The following PNOC variants were observed in gnomAD, a reference collection of about 807,000 sequenced individuals.
The protein encoded by PNOC is nociceptin.
A neutral mutation model predicts 15.6 loss-of-function variants in PNOC; 10 were observed. The observed-to-expected ratio is 0.64, with a 90% CI of 0.40 to 1.09. PNOC has a LOEUF of 1.09. Among genes scored for constraint, PNOC ranks in the 50% least tolerant of loss-of-function variants. The pLI, the probability that PNOC is intolerant of heterozygous loss-of-function variation, is 0.01. For synonymous variants in PNOC, 98 were observed against 88.5 expected (o/e 1.11, Z -0.60); for missense variants, 220 against 223.9 (o/e 0.98, Z 0.11).
Position 28,339,025 on chromosome 8 carries a change from C to T in PNOC, c.127-15C>T. The T allele has an allele frequency of 6.4e-7, 1 of 1,567,272 alleles. No homozygotes were observed. Among genetic ancestry groups the T allele is most frequent in the Non-Finnish European group, 8.7e-7 (1 of 1,148,084 alleles). The stretch of plus-strand genomic sequence containing the variant: ...CCTTGTTCCTTCTCCCCTCCTCTCA[C>T]CCGTATCTTTGCAGGTGTGCATCCT... On this transcript the variant is annotated splice_polypyrimidine_tract_variant and intron_variant, in intron 2 of 3. Coordinates refer to ENST00000301908, the MANE Select transcript of PNOC (RefSeq NM_006228.5).
intron 3 of PNOC, among the ~76,000 whole-genome samples, chr8:28,340,780 G>A (rs927061852): frequency 6.6e-6 from 1 of 152,172 alleles, no homozygotes; most frequent in African/African-American, 2.4e-5. Flanking sequence ...ATGGCAAGAG[G>A]GGGCAAGAGG....
chr8:28,324,907 C>A (rs1004788756), intron 1 of PNOC, among the ~76,000 whole-genome samples: 5 of 152,174 alleles, frequency 3.3e-5, no homozygotes, highest in African/African-American at 1.2e-4. Flanking sequence ...ATGCCAGGTT[C>A]TTTCCTTCTT....
intron 3 of PNOC, chr8:28,340,111 G>A (rs555819590): frequency 6.6e-6 from 1 of 152,340 alleles, no homozygotes; most frequent in South Asian, 2.1e-4. Context: ...TTGCCAGAGA[G>A]GGACTGATTC....
intron 2 of PNOC, among the ~76,000 whole-genome samples, chr8:28,338,277 G>A (rs981809942): frequency 6.6e-6 from 1 of 152,170 alleles, no homozygotes; most frequent in African/African-American, 2.4e-5. Context: ...CCAGCCAAGA[G>A]GGGCTGGAGA....
At chr8:28,323,491 G>T (rs1055303598) in intron 1 of PNOC, among the ~76,000 whole-genome samples, 1 of 152,194 alleles carries the variant, frequency 6.6e-6, no homozygotes, top group Non-Finnish European at 1.5e-5. Flanking sequence ...TCACAGAAGT[G>T]AAATAATTTG....
At chr8:28,329,036 A>T in intron 1 of PNOC, 99 bp from the exon 2 acceptor site, 1 of 1,201,512 alleles carries the variant, frequency 8.3e-7, no homozygotes, top group Non-Finnish European at 1.2e-6. Flanking sequence ...CAGAGACAGC[A>T]GAGAAGTGTC....
chr8:28,342,284 C>T (rs1259655593), intron 3 of PNOC, among the ~76,000 whole-genome samples: 4 of 139,148 alleles, frequency 2.9e-5, no homozygotes, highest in South Asian at 4.6e-4. Flanking sequence ...ACCCAGGAGG[C>T]GGAGGTTGCA....
intron 2 of PNOC, among the ~76,000 whole-genome samples, chr8:28,334,502 T>A (rs193016004): frequency 9.2e-5 from 14 of 151,456 alleles, no homozygotes; most frequent in Non-Finnish European, 4.4e-5. Flanking sequence ...TCCAGTAGCA[T>A]TTTTTTTTCT....
intron 1 of PNOC, among the ~76,000 whole-genome samples, chr8:28,323,848 A>T (rs1324619436): frequency 2.6e-5 from 4 of 152,216 alleles, no homozygotes; most frequent in Non-Finnish European, 5.9e-5. Context: ...CTCTATAACG[A>T]TATTTACATA....
rs934683010 is a variant in PNOC, at chr8:28,338,750, T to C, written c.127-290T>C. On this transcript the variant is annotated intron_variant, in intron 2 of 3. Transcript: ENST00000301908. ...GGTGCGGTGTTGGGCGCATTTATCC[T>C]GTGTTAACTTCCTATGTTAACGTGC... 24 of 1,128,578 alleles carry C rather than the reference T, an allele frequency of 2.1e-5. No individual in the cohort carries two copies. In the African/African-American group the frequency reaches 3.5e-4, roughly 16 times the overall value. 69.9% of individuals were successfully genotyped at this position (1,128,578 alleles called of 1,614,324 possible). A position where few individuals can be genotyped will look rare whatever the true frequency, so the allele number is the denominator to read the frequency against.
At chr8:28,334,220 A>G (rs1216298318) in intron 2 of PNOC, among the ~76,000 whole-genome samples, 1 of 152,132 alleles carries the variant, frequency 6.6e-6, no homozygotes, top group Admixed American at 6.5e-5. Flanking sequence ...AATATACTAC[A>G]CATTGATTCT....
At chr8:28,342,657 C>T (rs925237327) in intron 3 of PNOC, among the ~76,000 whole-genome samples, 7 of 152,130 alleles carry the variant, frequency 4.6e-5, no homozygotes, top group African/African-American at 7.2e-5. Flanking sequence ...GCATGGGCTC[C>T]GAATACCAGC....
intron 1 of PNOC, among the ~76,000 whole-genome samples, chr8:28,326,905 G>A (rs1212594976): frequency 6.6e-6 from 1 of 152,116 alleles, no homozygotes; most frequent in South Asian, 2.1e-4. Context: ...TGATTCAGTG[G>A]TTCTGGGGTG....
chr8:28,326,457 G>A (rs539637458), intron 1 of PNOC, among the ~76,000 whole-genome samples: 5 of 152,250 alleles, frequency 3.3e-5, no homozygotes, highest in South Asian at 4.1e-4. Flanking sequence ...GAAGAACTGG[G>A]GTGGGCTCAG....
chr8:28,329,894 T>C (rs763452839), intron 2 of PNOC, among the ~76,000 whole-genome samples: 6 of 152,156 alleles, frequency 3.9e-5, no homozygotes, highest in Non-Finnish European at 8.8e-5. Context: ...CCAGAGATGA[T>C]TTAAAGTGTA....
At chr8:28,342,237 C>T (rs1409388467) in intron 3 of PNOC, among the ~76,000 whole-genome samples, 2 of 151,648 alleles carry the variant, frequency 1.3e-5, no homozygotes, top group African/African-American at 4.9e-5. Flanking sequence ...CCTGTAGTCC[C>T]AGCTACTTGG....
chr8:28,339,931 C>T (rs1440880702), intron 3 of PNOC: 1 of 152,942 alleles, frequency 6.5e-6, no homozygotes, highest in Admixed American at 6.5e-5. Flanking sequence ...GCTATTTCAT[C>T]TTCAAAGACG....
chr8:28,331,237 C>G (rs1801325424), intron 2 of PNOC, among the ~76,000 whole-genome samples: 1 of 152,182 alleles, frequency 6.6e-6, no homozygotes. Context: ...AACATTATTA[C>G]TTTCCATGAA....
intron 1 of PNOC, among the ~76,000 whole-genome samples, chr8:28,321,019 T>C (rs1242910063): frequency 1.3e-5 from 2 of 152,112 alleles, no homozygotes; most frequent in African/African-American, 4.8e-5. Context: ...CTTGCTATAT[T>C]GCCCAGGCAG....
Sources: allele counts gnomAD v4.1 joint callset (sites outside exome capture counted in the v4.1 genomes callset), GRCh38; gene constraint gnomAD v4.1.1; transcripts MANE v1.5; gene names NCBI Gene and HGNC (gene_info 2026-07-23, HGNC 2026-07-21).